PEAK1: variants seen among roughly 807,000 people sequenced by gnomAD.
PEAK1 encodes inactive tyrosine-protein kinase PEAK1.
A neutral mutation model predicts 124.7 loss-of-function variants in PEAK1; 54 were observed. That is an observed-to-expected ratio of 0.43 (90% CI 0.35 to 0.54). The LOEUF (loss-of-function observed/expected upper bound fraction) is 0.54. Among genes scored for constraint, PEAK1 ranks in the 20% least tolerant of loss-of-function variants. PEAK1 has a pLI of 0.01. For missense variants in PEAK1, 2,046 were observed against 2,134.5 expected, an observed-to-expected ratio of 0.96 and a Z score of 0.82; for synonymous variants, 719 against 760.0, an observed-to-expected ratio of 0.95 and a Z score of 0.89.
chr15:77,353,572 G>A (rs778027154), intron 2 of PEAK1, among the ~76,000 whole-genome samples: 1 of 152,144 alleles, frequency 6.6e-6, no homozygotes, highest in Non-Finnish European at 1.5e-5. Context: ...ACTGTTGCCT[G>A]CAGTAAGGTA....
intron 6 of PEAK1, among the ~76,000 whole-genome samples, chr15:77,210,818 T>C (rs188671085): frequency 3.8e-4 from 58 of 152,268 alleles, no homozygotes; most frequent in African/African-American, 1.3e-3. Context: ...AGGTGGAGGA[T>C]GCAGTGAACC....
At chr15:77,328,434 G>A (rs1359829859) in intron 2 of PEAK1, among the ~76,000 whole-genome samples, 1 of 152,114 alleles carries the variant, frequency 6.6e-6, no homozygotes, top group African/African-American at 2.4e-5. Flanking sequence ...CATTAAAAGT[G>A]CTCTTTATAT....
intron 7 of PEAK1, among the ~76,000 whole-genome samples, chr15:77,176,301 C>G (rs1596474078): frequency 7.4e-6 from 1 of 135,748 alleles, no homozygotes; most frequent in African/African-American, 2.7e-5. Context: ...AAAATGCTAA[C>G]AAATAAAGTT....
chr15:77,170,690 T>C (rs947119333), intron 7 of PEAK1, among the ~76,000 whole-genome samples: 1 of 152,206 alleles, frequency 6.6e-6, no homozygotes, highest in Non-Finnish European at 1.5e-5. Flanking sequence ...ACAGATATTA[T>C]ACATTTAGTA....
At chr15:77,246,860 T>TA (rs1567162308) in intron 6 of PEAK1, among the ~76,000 whole-genome samples, 1 of 151,488 alleles carries the variant, frequency 6.6e-6, no homozygotes, top group Admixed American at 6.6e-5. Context: ...ATACTAAAAA[T>TA]AAAAAAAATT....
At chr15:77,351,579 GCC>G in intron 2 of PEAK1, 1 of 382,426 alleles carries the variant, frequency 2.6e-6, no homozygotes, top group Non-Finnish European at 3.6e-6. Flanking sequence ...CGTTAACAGG[GCC>G]TTTGAGCCCG....
intron 1 of PEAK1, among the ~76,000 whole-genome samples, chr15:77,373,095 TAAATGTGATCTTA>T (rs1416092655): frequency 2.0e-5 from 3 of 152,222 alleles, no homozygotes; most frequent in African/African-American, 7.2e-5. Context: ...TTCAAAACTA[TAAATGTGATCTTA>T]ATATGTATTT....
rs150237762 is a variant in PEAK1, at chr15:77,381,427, T to TA, written c.-665-16203dup. On this transcript the variant is annotated intron_variant, in intron 1 of 9. Transcript: ENST00000682557. ...GGCAACATAGTGAGACCCTGTCTCT[T>TA]AAAAAAAATAATTTTTTCTTTAAAA... The TA allele has an allele frequency of 5.2e-3, 4,772 of 926,476 alleles. 158 individuals carry two copies. In the African/African-American group the frequency reaches 0.075, roughly 15 times the overall value. 57.4% of individuals were successfully genotyped at this position (926,476 alleles called of 1,614,324 possible).
chr15:77,259,081 T>C (rs549322028), intron 5 of PEAK1, among the ~76,000 whole-genome samples: 4 of 152,294 alleles, frequency 2.6e-5, no homozygotes, highest in Admixed American at 2.6e-4. Flanking sequence ...ACCGTAAAGG[T>C]AGAGTTAAGT....
chr15:77,380,239 C>T (rs537281613), intron 1 of PEAK1, among the ~76,000 whole-genome samples: 15 of 152,186 alleles, frequency 9.9e-5, no homozygotes, highest in African/African-American at 2.4e-4. Context: ...CAATAATACA[C>T]GCTGGTTATG....
At chr15:77,295,659 T>G (rs926386475) in intron 2 of PEAK1, among the ~76,000 whole-genome samples, 1 of 152,230 alleles carries the variant, frequency 6.6e-6, no homozygotes, top group Admixed American at 6.5e-5. Context: ...CAGTATTACA[T>G]AATGCACCAT....
chr15:77,316,284 T>C (rs1472189084), intron 2 of PEAK1, among the ~76,000 whole-genome samples: 1 of 152,198 alleles, frequency 6.6e-6, no homozygotes, highest in African/African-American at 2.4e-5. Context: ...ATAGAGACTT[T>C]TAAAACTTCT....
intron 2 of PEAK1, chr15:77,348,390 T>G: frequency 1.1e-6 from 1 of 902,730 alleles, no homozygotes. Flanking sequence ...TATTTGGTAA[T>G]TACACTATAA....
At chr15:77,174,125 C>A (rs1206274852) in intron 7 of PEAK1, among the ~76,000 whole-genome samples, 1 of 152,180 alleles carries the variant, frequency 6.6e-6, no homozygotes, top group Admixed American at 6.5e-5. Context: ...GTTCCAGGGC[C>A]TGATGGCAAA....
upstream of PEAK1, chr15:77,420,162 C>A: frequency 1.3e-5 from 2 of 149,964 alleles, no homozygotes; most frequent in South Asian, 3.6e-4. Context: ...CCCGGCCGCT[C>A]GCCGCCCGCC....
In PEAK1 at chr15:77,333,640, T is replaced by C. The variant is rs914780389; in HGVS notation, c.-603+31523A>G. The C allele has an allele frequency of 1.6e-5, 16 of 970,648 alleles. No homozygotes were observed. In the African/African-American group the frequency reaches 2.6e-4, roughly 16 times the overall value. 60.1% of individuals were successfully genotyped at this position (970,648 alleles called of 1,614,324 possible). A position where few individuals can be genotyped will look rare whatever the true frequency, so the allele number is the denominator to read the frequency against. On this transcript the variant is annotated intron_variant, in intron 2 of 9. Coordinates refer to ENST00000682557, the MANE Select transcript of PEAK1 (RefSeq NM_001385026.1). ...ATGGCATGAAGTACAACTCTAGTTT[T>C]ATATTCTTGTGATAATTTTAAGTCA...
intron 2 of PEAK1, among the ~76,000 whole-genome samples, chr15:77,330,239 G>A (rs2065818195): frequency 6.6e-6 from 1 of 152,018 alleles, no homozygotes; most frequent in African/African-American, 2.4e-5. Flanking sequence ...CTTTTAACAA[G>A]GCTTTGTGGG....
intron 1 of PEAK1, among the ~76,000 whole-genome samples, chr15:77,379,562 C>A (rs1038666560): frequency 2.0e-5 from 3 of 152,060 alleles, no homozygotes; most frequent in Admixed American, 6.6e-5. Context: ...TTCCCGAAAT[C>A]CAATATATAG....
chr15:77,153,483 C>A (rs2054843200), intron 8 of PEAK1, among the ~76,000 whole-genome samples: 1 of 151,938 alleles, frequency 6.6e-6, no homozygotes, highest in African/African-American at 2.4e-5. Context: ...TCTCTATTTC[C>A]TTCACTTCTG....
Sources: gnomAD v4.1 joint callset for allele counts (sites outside exome capture counted in the v4.1 genomes callset) on GRCh38, gnomAD v4.1.1 for gene constraint, MANE v1.5 for transcripts, NCBI Gene and HGNC (gene_info 2026-07-23, HGNC 2026-07-21) for gene names.